The following SIPA1L1 variants were observed in gnomAD, a reference collection of about 807,000 sequenced individuals.
SIPA1L1 encodes the protein signal-induced proliferation-associated 1-like protein 1.
In SIPA1L1, 26 loss-of-function variants were observed where a neutral mutation model predicts 162.7. The observed-to-expected ratio is 0.16, with a 90% confidence interval of 0.12 to 0.22. SIPA1L1 has a LOEUF of 0.22. Among genes scored for constraint, SIPA1L1 ranks in the 10% least tolerant of loss-of-function variants. SIPA1L1 has a pLI of 1.00. For missense variants in SIPA1L1, 1,874 were observed against 2,241.0 expected (o/e 0.84, Z 3.31); for synonymous variants, 829 against 837.4 (o/e 0.99, Z 0.17).
intron 7 of SIPA1L1, among the ~76,000 whole-genome samples, chr14:71,642,228 C>T (rs1463410805): frequency 6.6e-6 from 1 of 152,138 alleles, no homozygotes; most frequent in Non-Finnish European, 1.5e-5. Context: ...TAAGATTGCA[C>T]CAGCTTTCTG....
intron 2 of SIPA1L1, among the ~76,000 whole-genome samples, chr14:71,436,791 G>A (rs901768996): frequency 3.1e-5 from 4 of 130,668 alleles, no homozygotes. Context: ...TTGAGACAGA[G>A]TCTCACTCTG....
chr14:71,682,581 T>C, intron 12 of SIPA1L1, among the ~76,000 whole-genome samples: 1 of 152,144 alleles, frequency 6.6e-6, no homozygotes. Context: ...TTGGCCAATG[T>C]GGGATATGAA....
At chr14:71,376,072 C>T (rs2039344954) in intron 2 of SIPA1L1, among the ~76,000 whole-genome samples, 1 of 151,752 alleles carries the variant, frequency 6.6e-6, no homozygotes, top group Non-Finnish European at 1.5e-5. Context: ...GGCTTTGATC[C>T]CTTTTCTGTT....
At chr14:71,719,132 G>GT (rs549775616) in intron 17 of SIPA1L1, among the ~76,000 whole-genome samples, 205 of 151,848 alleles carry the variant, frequency 1.4e-3, no homozygotes, top group Non-Finnish European at 2.4e-3. Flanking sequence ...TGGAAACAGG[G>GT]TTCGCCATAT....
At chr14:71,467,222 T>G (rs1567062153) in intron 2 of SIPA1L1, 2 of 152,318 alleles carry the variant, frequency 1.3e-5, no homozygotes, top group East Asian at 3.9e-4. Context: ...TTCTTTGTCG[T>G]TCAAGTGAAT....
intron 16 of SIPA1L1, among the ~76,000 whole-genome samples, chr14:71,707,780 A>G (rs928491269): frequency 2.6e-5 from 4 of 152,118 alleles, no homozygotes; most frequent in South Asian, 4.1e-4. Context: ...ATCCACGTAC[A>G]ATGAAACATG....
intron 2 of SIPA1L1, among the ~76,000 whole-genome samples, chr14:71,341,035 GT>G (rs1474994779): frequency 6.6e-6 from 1 of 152,240 alleles, no homozygotes; most frequent in East Asian, 1.9e-4. Context: ...CATGGATAGT[GT>G]ATTTAAAGTA....
At chr14:71,667,215 C>T (rs915937484) in intron 10 of SIPA1L1, among the ~76,000 whole-genome samples, 10 of 152,296 alleles carry the variant, frequency 6.6e-5, no homozygotes, top group African/African-American at 2.4e-4. Flanking sequence ...TGCTCTGCCC[C>T]TCCGCTCTGC....
chr14:71,360,153 A>T (rs371497123), intron 2 of SIPA1L1, among the ~76,000 whole-genome samples: 2 of 152,236 alleles, frequency 1.3e-5, no homozygotes, highest in African/African-American at 4.8e-5. Context: ...AGACAAAGCG[A>T]TAACATTTAA....
At chr14:71,426,490 T>C (rs993698196) in intron 2 of SIPA1L1, among the ~76,000 whole-genome samples, 6 of 148,410 alleles carry the variant, frequency 4.0e-5, no homozygotes, top group African/African-American at 9.8e-5. Context: ...TTCTTTCTTT[T>C]TTTTTTTTTT....
At chr14:71,379,213 TTC>T (rs1222120987) in intron 2 of SIPA1L1, among the ~76,000 whole-genome samples, 2 of 152,236 alleles carry the variant, frequency 1.3e-5, no homozygotes, top group African/African-American at 4.8e-5. Context: ...TTTCATATTT[TTC>T]TGTCATGTTC....
chr14:71,619,920 A>G (rs2039243519), intron 6 of SIPA1L1, among the ~76,000 whole-genome samples: 1 of 152,224 alleles, frequency 6.6e-6, no homozygotes, highest in Admixed American at 6.5e-5. Flanking sequence ...ACATACTCTC[A>G]TGTGCTTTTT....
Position 71,523,233 on chromosome 14 carries a change from G to GT in SIPA1L1, c.-361-6070dup, listed in dbSNP as rs1045062570. On this transcript the variant is annotated intron_variant, in intron 3 of 23. Coordinates refer to ENST00000381232, the MANE Select transcript of SIPA1L1 (RefSeq NM_001386936.1). Reference sequence around the variant, plus strand: ...CTCATTTACACATATATGCATATATGTTTTTTTTTAGATATCACACTTTGT... The same window carrying GT: ...CTCATTTACACATATATGCATATATGTTTTTTTTTTAGATATCACACTTTGT... Among the ~76,000 whole-genome samples the GT allele has an allele frequency of 1.2e-4, 18 of 149,640 alleles. No individual in the cohort carries two copies. In the East Asian group the frequency reaches 2.0e-3, roughly 16 times the overall value.
intron 12 of SIPA1L1, among the ~76,000 whole-genome samples, chr14:71,673,020 T>C (rs763881210): frequency 3.3e-5 from 5 of 152,246 alleles, no homozygotes; most frequent in African/African-American, 1.2e-4. Context: ...TCTTATTCTC[T>C]TCTCTCTCCT....
intron 2 of SIPA1L1, among the ~76,000 whole-genome samples, chr14:71,447,020 T>C (rs1422388599): frequency 6.8e-6 from 1 of 147,542 alleles, no homozygotes; most frequent in African/African-American, 2.5e-5. Flanking sequence ...CAAGTGATTC[T>C]CCTATCTCGG....
chr14:71,473,205 T>C (rs2047599871), intron 2 of SIPA1L1, among the ~76,000 whole-genome samples: 1 of 152,148 alleles, frequency 6.6e-6, no homozygotes, highest in Admixed American at 6.5e-5. Flanking sequence ...GTAAGTGTAA[T>C]AAGATATAAA....
At chr14:71,662,980 G>C (rs1409704005) in intron 10 of SIPA1L1, among the ~76,000 whole-genome samples, 1 of 152,208 alleles carries the variant, frequency 6.6e-6, no homozygotes, top group Non-Finnish European at 1.5e-5. Flanking sequence ...TTTTGAATGG[G>C]CACTTCAAAG....
chr14:71,496,289 C>T (rs377685735), intron 2 of SIPA1L1, among the ~76,000 whole-genome samples: 171 of 151,970 alleles, frequency 1.1e-3, no homozygotes, highest in African/African-American at 3.8e-3. Flanking sequence ...GGCAACATAG[C>T]GAGGCTCCAT....
At chr14:71,602,695 C>T (rs989398121) in intron 5 of SIPA1L1, among the ~76,000 whole-genome samples, 10 of 152,248 alleles carry the variant, frequency 6.6e-5, no homozygotes, top group Non-Finnish European at 1.3e-4. Flanking sequence ...AACCACTGGT[C>T]TGTGGCCTGT....
Sources: allele counts gnomAD v4.1 joint callset (sites outside exome capture counted in the v4.1 genomes callset), GRCh38; gene constraint gnomAD v4.1.1; transcripts MANE v1.5; gene names NCBI Gene and HGNC (gene_info 2026-07-23, HGNC 2026-07-21).